Variants in PDIA6 observed in about 807,000 individuals in gnomAD.
PDIA6 encodes protein disulfide-isomerase A6.
In PDIA6, 29 loss-of-function variants were observed where a neutral mutation model predicts 58.4. That is an observed-to-expected ratio of 0.50 (90% CI 0.37 to 0.68). The LOEUF (loss-of-function observed/expected upper bound fraction) is 0.68. Ranked by LOEUF, PDIA6 falls within the 30% of genes least tolerant of loss-of-function variation. The pLI, the probability that PDIA6 is intolerant of heterozygous loss-of-function variation, is 0.00. For synonymous variants in PDIA6, 192 were observed against 202.6 expected (o/e 0.95, Z 0.44); for missense variants, 480 against 551.0 (o/e 0.87, Z 1.29).
At chr2:10,786,319 G>T (rs545480679) in intron 11 of PDIA6, among the ~76,000 whole-genome samples, 3 of 123,176 alleles carry the variant, frequency 2.4e-5, no homozygotes, top group South Asian at 2.4e-4. Flanking sequence ...TCTCGGGGGT[G>T]GGGGGGAAAG....
chr2:10,813,416 T>C (rs1041894971), upstream of PDIA6, among the ~76,000 whole-genome samples: 2 of 152,154 alleles, frequency 1.3e-5, no homozygotes, highest in Non-Finnish European at 2.9e-5. Context: ...CTCCACTTTG[T>C]CCTGGGGGGC....
intron 1 of PDIA6, among the ~76,000 whole-genome samples, chr2:10,809,672 A>AAAC (rs1666922302): frequency 2.8e-5 from 4 of 145,146 alleles, no homozygotes; most frequent in African/African-American, 5.1e-5. Context: ...AAAAAAAAAA[A>AAAC]CCCAAAAAAT....
chr2:10,829,242 T>G (rs1275512207), intron 1 of PDIA6, among the ~76,000 whole-genome samples: 1 of 152,184 alleles, frequency 6.6e-6, no homozygotes, highest in Non-Finnish European at 1.5e-5. Flanking sequence ...TCCCAGGGTC[T>G]CTTTTGGGCC....
chr2:10,812,168 C>T (rs974202053), intron 1 of PDIA6, among the ~76,000 whole-genome samples: 2 of 152,200 alleles, frequency 1.3e-5, no homozygotes, highest in African/African-American at 2.4e-5. Flanking sequence ...CTTCGGCCTT[C>T]CAAAGTGCTG....
At chr2:10,786,326 A>G (rs1256533943) in intron 11 of PDIA6, among the ~76,000 whole-genome samples, 1 of 64,794 alleles carries the variant, frequency 1.5e-5, no homozygotes, top group East Asian at 4.7e-4. Context: ...GGTGGGGGGG[A>G]AAGAAAACAC....
At chr2:10,794,256 C>T (rs2148542247) in intron 4 of PDIA6, among the ~76,000 whole-genome samples, 1 of 151,612 alleles carries the variant, frequency 6.6e-6, no homozygotes, top group Middle Eastern at 3.4e-3. Flanking sequence ...GACCATCCTG[C>T]CCAACATGGT....
At chr2:10,820,712 T>C (rs756465210) in intron 1 of PDIA6, 1 of 701,612 alleles carries the variant, frequency 1.4e-6, no homozygotes, top group African/African-American at 1.7e-5. Flanking sequence ...TTCTACCTCC[T>C]GTATCAGCGG....
intron 2 of PDIA6, 115 bp from the exon 3 acceptor site, chr2:10,797,872 A>G: frequency 1.3e-6 from 1 of 759,354 alleles, no homozygotes; most frequent in Non-Finnish European, 2.2e-6. Context: ...GATGCCTGCA[A>G]AGAGGACAAG....
chr2:10,804,279 T>C (rs1009514234), intron 1 of PDIA6, among the ~76,000 whole-genome samples: 15 of 151,670 alleles, frequency 9.9e-5, no homozygotes, highest in Admixed American at 7.3e-4. Context: ...AACCTACGTT[T>C]TCTTCTAGGG....
Position 10,783,565 on chromosome 2 carries a change from T to C in PDIA6, c.*693A>G, listed in dbSNP as rs182197560. 1.9e-3 allele frequency: 557 copies of C among 291,000 alleles called. 4 individuals are homozygous for C. The highest frequency in any genetic ancestry group is 5.9e-3 in the Middle Eastern group (5 of 842). 18.0% of individuals were successfully genotyped at this position (291,000 alleles called of 1,614,324 possible). A position where few individuals can be genotyped will look rare whatever the true frequency, so the allele number is the denominator to read the frequency against. ...GTCTTAACGGCTATTTTGAGGTTCA[T>C]TAACAACATAGAAAGCCTTGAACTG... On this transcript the variant is annotated 3_prime_UTR_variant, in exon 13 of 13. Transcript: ENST00000272227.
chr2:10,812,408 C>G (rs1205119087), intron 1 of PDIA6, among the ~76,000 whole-genome samples: 2 of 151,808 alleles, frequency 1.3e-5, no homozygotes, highest in African/African-American at 4.8e-5. Context: ...TCCCGCCCGG[C>G]CCTGGACCCC....
At position 10,789,864 on chromosome 2, in the gene PDIA6, A is replaced by G. The variant is rs1297516351; in HGVS notation, c.725T>C (p.Ile242Thr). The G allele has an allele frequency of 6.2e-7, 1 of 1,613,746 alleles. No individual in the cohort carries two copies. Among genetic ancestry groups the G allele is most frequent in the East Asian group, 2.2e-5 (1 of 44,884 alleles). Residue 242 changes from isoleucine (I) to threonine (T), a missense_variant, in exon 8 of 13, where the codon ATA (isoleucine) becomes ACA (threonine). Ile to Thr is a moderately conservative substitution (Grantham distance 89). Coordinates refer to ENST00000272227, the MANE Select transcript of PDIA6 (RefSeq NM_005742.4). The stretch of plus-strand genomic sequence containing the variant: ...CACAGGAGACTCGCCTTTCTGAAAT[A>G]TCTTGATTGTAGGAAATCCTCTAAT... ...YGIRGFPTIK[I>T]FQKGESPVDY...
chr2:10,804,969 T>C (rs1236986592), intron 1 of PDIA6, among the ~76,000 whole-genome samples: 2 of 44,264 alleles, frequency 4.5e-5, no homozygotes, highest in African/African-American at 8.7e-5. Context: ...TTTGGCTCTC[T>C]GTCTGTTGTT....
chr2:10,823,930 T>A (rs1034922308), intron 1 of PDIA6, among the ~76,000 whole-genome samples: 2 of 151,678 alleles, frequency 1.3e-5, no homozygotes, highest in African/African-American at 4.8e-5. Flanking sequence ...TTTTCTCAAT[T>A]CGGGACAACC....
chr2:10,789,518 T>G (rs1016330812), intron 8 of PDIA6, among the ~76,000 whole-genome samples: 3 of 152,236 alleles, frequency 2.0e-5, no homozygotes, highest in African/African-American at 7.2e-5. Context: ...GCAAGAGTGA[T>G]TGAATACACT....
chr2:10,817,650 T>A (rs1422567550), upstream of PDIA6, among the ~76,000 whole-genome samples: 1 of 152,222 alleles, frequency 6.6e-6, no homozygotes, highest in East Asian at 1.9e-4. Flanking sequence ...AGCCAGGTCC[T>A]GTTCCTCTTC....
At chr2:10,829,900 T>C (rs1667657073) in intron 1 of PDIA6, among the ~76,000 whole-genome samples, 1 of 152,208 alleles carries the variant, frequency 6.6e-6, no homozygotes, top group East Asian at 1.9e-4. Flanking sequence ...GTGGCGGCAC[T>C]GTGAAGTCCA....
intron 1 of PDIA6, among the ~76,000 whole-genome samples, chr2:10,825,503 C>A (rs1012733305): frequency 6.6e-6 from 1 of 152,144 alleles, no homozygotes; most frequent in Non-Finnish European, 1.5e-5. Flanking sequence ...AAATTAAAAC[C>A]TTTTGTGCTT....
chr2:10,823,613 C>T (rs143002381), intron 1 of PDIA6, among the ~76,000 whole-genome samples: 1 of 152,366 alleles, frequency 6.6e-6, no homozygotes, highest in African/African-American at 2.4e-5. Flanking sequence ...AATCTGCTGA[C>T]ATTTTTCCCA....
Sources: gnomAD v4.1 joint callset for allele counts (sites outside exome capture counted in the v4.1 genomes callset) on GRCh38, gnomAD v4.1.1 for gene constraint, MANE v1.5 for transcripts, NCBI Gene and HGNC (gene_info 2026-07-23, HGNC 2026-07-21) for gene names.